Variants in CDH23 observed in about 807,000 individuals in gnomAD.
CDH23 encodes cadherin related 23.
In CDH23, 189 loss-of-function variants were observed where a neutral mutation model predicts 317.1. That is an observed-to-expected ratio of 0.60 (90% CI 0.53 to 0.67). CDH23 has a LOEUF of 0.67. Ranked by LOEUF, CDH23 falls within the 30% of genes least tolerant of loss-of-function variation. CDH23 has a pLI of 0.00. For missense variants in CDH23, 4,401 were observed against 4,592.4 expected, an observed-to-expected ratio of 0.96 and a Z score of 1.20; for synonymous variants, 1,839 against 1,876.8, an observed-to-expected ratio of 0.98 and a Z score of 0.52.
chr10:71,597,351 G>GC (rs1286611027), intron 9 of CDH23, among the ~76,000 whole-genome samples: 9 of 152,082 alleles, frequency 5.9e-5, no homozygotes, highest in Non-Finnish European at 1.3e-4. Flanking sequence ...GCCTTTCCAA[G>GC]CCCCAAGATG....
At chr10:71,660,051 C>G (rs995988635) in intron 14 of CDH23, among the ~76,000 whole-genome samples, 1 of 148,466 alleles carries the variant, frequency 6.7e-6, no homozygotes, top group African/African-American at 2.5e-5. Context: ...ACTTTTGACT[C>G]CCTGGTTCAA....
intron 6 of CDH23, among the ~76,000 whole-genome samples, chr10:71,513,804 C>T (rs1277233749): frequency 6.6e-6 from 1 of 152,142 alleles, no homozygotes; most frequent in Non-Finnish European, 1.5e-5. Context: ...GAGGATGAAA[C>T]CCAGCAGGAG....
intron 3 of CDH23, among the ~76,000 whole-genome samples, chr10:71,488,317 G>A (rs541242650): frequency 9.3e-4 from 142 of 152,364 alleles, no homozygotes; most frequent in Admixed American, 2.0e-3. Context: ...CTGAGTACAA[G>A]ATGCCGTAAA....
chr10:71,458,421 AGG>A (rs1231128783), intron 3 of CDH23, among the ~76,000 whole-genome samples: 1 of 152,226 alleles, frequency 6.6e-6, no homozygotes, highest in Non-Finnish European at 1.5e-5. Flanking sequence ...GTGTGACCAC[AGG>A]CAAGTCCCTT....
In CDH23 at chr10:71,807,754, T is replaced by G; in HGVS notation, c.8547T>G (p.Ala2849=). 6.2e-7 allele frequency: 1 copy of G among 1,602,920 alleles called. No homozygotes were observed. The highest frequency in any genetic ancestry group is 2.3e-5 in the East Asian group (1 of 44,274). Residue 2849 remains alanine (A), a synonymous_variant, in exon 59 of 70, where the codon GCT becomes GCG. Transcript: ENST00000224721. The stretch of plus-strand genomic sequence containing the variant: ...ACCAGCCACCACGCTTCACCAAGGC[T>G]GAGTACACTGCAGGTGCAGGGACTG... ...INDQPPRFTK[A]EYTAGVATDA...
rs761630285 is a variant in CDH23, at chr10:71,798,448, G to T, written c.6924G>T (p.Gly2308=). The T allele has an allele frequency of 6.2e-7, 1 of 1,613,974 alleles. No individual in the cohort carries two copies. The highest frequency in any genetic ancestry group is 8.5e-7 in the Non-Finnish European group (1 of 1,179,852). ...ITYYMERILE[G]ATPGTTLIAV... is the part of the protein sequence containing the mutation. ...ACTACATGGAGCGGATCCTGGAGGG[G>T]GCCACCCCTGGGACCACACTCATTG... The change falls in exon 50 of 70, where the codon GGG becomes GGT. Residue 2308 remains glycine (G), a synonymous_variant. Transcript: ENST00000224721.
chr10:71,502,787 T>A (rs369509808), intron 3 of CDH23, among the ~76,000 whole-genome samples: 1 of 152,198 alleles, frequency 6.6e-6, no homozygotes, highest in Non-Finnish European at 1.5e-5. Flanking sequence ...TTTAAGGAGA[T>A]GCTGCTGCAA....
At chr10:71,672,352 C>T (rs1321370901) in intron 14 of CDH23, among the ~76,000 whole-genome samples, 2 of 151,970 alleles carry the variant, frequency 1.3e-5, no homozygotes, top group Non-Finnish European at 2.9e-5. Context: ...GGCCCAGGGC[C>T]CCTGACAGGC....
intron 3 of CDH23, among the ~76,000 whole-genome samples, chr10:71,504,862 T>G (rs1306040748): frequency 6.6e-6 from 1 of 152,230 alleles, no homozygotes; most frequent in African/African-American, 2.4e-5. Context: ...TTGTTAAATA[T>G]TTGAATATCA....
At chr10:71,489,215 T>C (rs560135055) in intron 3 of CDH23, among the ~76,000 whole-genome samples, 1 of 152,370 alleles carries the variant, frequency 6.6e-6, no homozygotes, top group East Asian at 1.9e-4. Context: ...TAAATGTAAG[T>C]TAGATCATTT....
chr10:71,512,812 C>T (rs1208079378), intron 6 of CDH23, among the ~76,000 whole-genome samples: 1 of 152,238 alleles, frequency 6.6e-6, no homozygotes, highest in Non-Finnish European at 1.5e-5. Flanking sequence ...TCAAGTCATT[C>T]ATTCATTTAT....
rs751284044 is a variant in CDH23 at position 71,815,258 on chromosome 10, C to A, written c.10045C>A (p.Leu3349Met). Reference sequence around the variant, plus strand: ...TCGCGACGTGATCATGGAGACCCCCCTGGAGATCACAGAGCTGTGACTAGA... The same window carrying A: ...TCGCGACGTGATCATGGAGACCCCCATGGAGATCACAGAGCTGTGACTAGA... ...KLRDVIMETP[L>M]EITEL Residue 3349 changes from leucine to methionine, a missense_variant, in exon 70 of 70, where the codon CTG (leucine) becomes ATG (methionine). Leu to Met is a conservative substitution (Grantham distance 15). Coordinates refer to ENST00000224721, the MANE Select transcript of CDH23 (RefSeq NM_022124.6). The A allele has an allele frequency of 1.4e-5, 22 of 1,577,592 alleles. No individual in the cohort carries two copies. Among genetic ancestry groups the A allele is most frequent in the Non-Finnish European group, 1.8e-5 (21 of 1,157,396 alleles).
chr10:71,723,446 C>T (rs780200720), intron 28 of CDH23, among the ~76,000 whole-genome samples: 7 of 152,176 alleles, frequency 4.6e-5, no homozygotes, highest in Non-Finnish European at 8.8e-5. Context: ...AACACATAAA[C>T]ACATAAGCCT....
chr10:71,790,782 CTG>C (rs1292731948), intron 46 of CDH23: 1 of 464,770 alleles, frequency 2.2e-6, no homozygotes, highest in African/African-American at 1.9e-5. Flanking sequence ...CCACATCCGT[CTG>C]GTCCTGGACA....
At chr10:71,406,129 C>A (rs1334946100) in intron 1 of CDH23, among the ~76,000 whole-genome samples, 1 of 151,984 alleles carries the variant, frequency 6.6e-6, no homozygotes, top group African/African-American at 2.4e-5. Flanking sequence ...GATCTTCCCA[C>A]CTGAGCCTCC....
At chr10:71,811,688 C>T in intron 64 of CDH23, 25 bp from the exon 65 acceptor site, 1 of 1,612,678 alleles carries the variant, frequency 6.2e-7, no homozygotes, top group Non-Finnish European at 8.5e-7. Flanking sequence ...GCCCCCCTCA[C>T]CAGCCCCTCT....
chr10:71,774,087 A>ACG (rs1418242593), intron 38 of CDH23, among the ~76,000 whole-genome samples: 2 of 151,490 alleles, frequency 1.3e-5, no homozygotes, highest in Non-Finnish European at 2.9e-5. Flanking sequence ...ACACACACAC[A>ACG]CAGAACAGGT....
chr10:71,397,094 C>T lies in CDH23; in HGVS notation c.-230C>T. 1 of 171,180 alleles carries T rather than the reference C, an allele frequency of 5.8e-6. No homozygotes were observed. Among genetic ancestry groups the T allele is most frequent in the Non-Finnish European group, 1.2e-5 (1 of 80,910 alleles). The allele number at this position is 171,180 out of a possible 1,614,324, so 10.6% of individuals were successfully genotyped here. On this transcript the variant is annotated 5_prime_UTR_variant, in exon 1 of 70. Transcript: ENST00000224721. The surrounding 1 kb of genome is among the most constrained non-coding windows in gnomAD (Gnocchi z 4.8). ...AGAGCCTCTGGACGTTTGGGGCGCG[C>T]CCAGTCCGAGCCCCCGGCGCGCCTG...
In CDH23 at chr10:71,709,198, C is replaced by T. The variant is rs763763801; in HGVS notation, c.3207C>T (p.Ile1069=). ...DRETTAAYML[I]LEAIDNGPVG... ...AGACCACAGCCGCCTACATGCTCAT[C>T]CTGGAGGCCATCGGTATGCACCAGT... is the stretch of plus-strand genomic sequence containing the variant. The change falls in exon 27 of 70, where the codon ATC becomes ATT. Residue 1069 remains isoleucine, a synonymous_variant. Coordinates refer to ENST00000224721, the MANE Select transcript of CDH23 (RefSeq NM_022124.6). The T allele has an allele frequency of 6.2e-7, 1 of 1,613,904 alleles. No homozygotes were observed. Among genetic ancestry groups the T allele is most frequent in the Non-Finnish European group, 8.5e-7 (1 of 1,179,830 alleles).
Sources: gnomAD v4.1 joint callset for allele counts (sites outside exome capture counted in the v4.1 genomes callset) on GRCh38, gnomAD v4.1.1 for gene constraint, Gnocchi (gnomAD v3.1) non-coding constraint, MANE v1.5 for transcripts, NCBI Gene and HGNC (gene_info 2026-07-23, HGNC 2026-07-21) for gene names.